Variants in STAM2 observed in about 807,000 individuals in gnomAD.
STAM2 encodes the protein signal transducing adapter molecule 2.
STAM2 carries 51 observed loss-of-function variants against 65.6 expected under a neutral mutation model. The ratio of observed to expected loss-of-function variants is 0.78; its 90% CI spans 0.62 to 0.98. The LOEUF (loss-of-function observed/expected upper bound fraction) is 0.98. Ranked by LOEUF, STAM2 falls within the 50% of genes least tolerant of loss-of-function variation. The probability of loss-of-function intolerance (pLI) is 0.00; values close to 1 mark genes in which losing one functional copy is unlikely to be tolerated. For synonymous variants in STAM2, 198 were observed against 208.4 expected (o/e 0.95, Z 0.43); for missense variants, 584 against 617.8 (o/e 0.95, Z 0.58).
At chr2:152,166,691 C>T (rs576743666) in intron 1 of STAM2, among the ~76,000 whole-genome samples, 31 of 152,050 alleles carry the variant, frequency 2.0e-4, no homozygotes, top group Non-Finnish European at 4.4e-4. Context: ...AAAGTTCTTC[C>T]CCTTCAACCC....
chr2:152,125,175 C>T (rs945556899), intron 12 of STAM2, among the ~76,000 whole-genome samples: 2 of 152,192 alleles, frequency 1.3e-5, no homozygotes, highest in Admixed American at 6.5e-5. Flanking sequence ...ACTTTCACAG[C>T]AGCAGCGAAC....
Position 152,130,363 on chromosome 2 carries a change from T to G in STAM2, c.1025+1751A>C, listed in dbSNP as rs532923859. ...GCCTCCTGGGTTAACGCCATTCTCC[T>G]GCCTCAGCCTCCCGAGTAGCTGGGA... On this transcript the variant is annotated intron_variant, in intron 11 of 13. Coordinates refer to ENST00000263904, the MANE Select transcript of STAM2 (RefSeq NM_005843.6). Among the ~76,000 whole-genome samples the G allele has an allele frequency of 8.0e-4, 121 of 152,108 alleles. 1 individual carries two copies. Among genetic ancestry groups the G allele is most frequent in the Admixed American group, 1.2e-3 (19 of 15,294 alleles).
At chr2:152,126,081 G>T in intron 12 of STAM2, 145 bp downstream of exon 12, 1 of 656,838 alleles carries the variant, frequency 1.5e-6, no homozygotes, top group Non-Finnish European at 2.3e-6. Flanking sequence ...TAATTGTTTA[G>T]CCAATATTTA....
rs565803983 is a variant in STAM2 at position 152,161,031 on chromosome 2, C to T, written c.41-10802G>A. Among the ~76,000 whole-genome samples the T allele has an allele frequency of 3.9e-3, 591 of 152,190 alleles. 4 individuals carry two copies. Among genetic ancestry groups the T allele is most frequent in the South Asian group, 0.014 (69 of 4,818 alleles). On this transcript the variant is annotated intron_variant, in intron 1 of 13. Coordinates refer to ENST00000263904, the MANE Select transcript of STAM2 (RefSeq NM_005843.6). ...GCTCATTGAGAGTGGGCCATGATGA[C>T]GGTGGCGGTTTTGTGGAATAGAAGG...
Position 152,148,272 on chromosome 2 carries a change from T to C in STAM2, c.154A>G (p.Lys52Glu). 3 of 1,611,668 alleles carry C rather than the reference T, an allele frequency of 1.9e-6. No homozygotes were observed. The highest frequency in any genetic ancestry group is 2.7e-5 in the African/African-American group (2 of 74,900). Residue 52 changes from lysine to glutamate, a missense_variant, in exon 3 of 14, where the codon AAA becomes GAA. Coordinates refer to ENST00000263904, the MANE Select transcript of STAM2 (RefSeq NM_005843.6). ...GAKDCLKAIM[K>E]RVNHKVPHVA... ...TGTGGAACCTTATGATTTACCCTTT[T>C]CATTATGGCTTTTAGGCAATCTTTC...
intron 1 of STAM2, among the ~76,000 whole-genome samples, chr2:152,157,597 C>A (rs1672601281): frequency 6.6e-6 from 1 of 152,170 alleles, no homozygotes; most frequent in Admixed American, 6.5e-5. Flanking sequence ...CCTCTGCTGG[C>A]ACTTTGATCT....
At chr2:152,167,539 T>C (rs1268520917) in intron 1 of STAM2, among the ~76,000 whole-genome samples, 1 of 152,198 alleles carries the variant, frequency 6.6e-6, no homozygotes, top group Non-Finnish European at 1.5e-5. Flanking sequence ...TGGACAAATA[T>C]TGCCAATTAG....
rs775203453 is a variant in STAM2, at chr2:152,120,740, G to C, written c.1412C>G (p.Ala471Gly). 5 of 1,614,022 alleles carry C rather than the reference G, an allele frequency of 3.1e-6. No individual in the cohort carries two copies. The highest frequency in any genetic ancestry group is 1.3e-5 in the African/African-American group (1 of 74,886). Residue 471 changes from alanine to glycine, a missense_variant, in exon 14 of 14, where the codon GCT becomes GGT. By Grantham distance (60) the Ala-to-Gly change is moderately conservative (BLOSUM62 0). Coordinates refer to ENST00000263904, the MANE Select transcript of STAM2 (RefSeq NM_005843.6). ...CTGTGTGTAAGCAGTTGTACCAGTAGCTGACTGTAGGTTAGAGTTCTGGTT... is the reference window on the plus strand; with the variant it reads ...CTGTGTGTAAGCAGTTGTACCAGTACCTGACTGTAGGTTAGAGTTCTGGTT... ...YMNQNSNLQSATGTTAYTQQM... is the reference protein window; with the variant it reads ...YMNQNSNLQSGTGTTAYTQQM...
Position 152,167,888 on chromosome 2 carries a change from C to T in STAM2, c.40+7715G>A, listed in dbSNP as rs369843841. ...TTGTACCACTGCACTTCAGCCTGGGCGACTGAGTGAGGCTGTGTCTCAAAA... is the reference window on the plus strand; with the variant it reads ...TTGTACCACTGCACTTCAGCCTGGGTGACTGAGTGAGGCTGTGTCTCAAAA... On this transcript the variant is annotated intron_variant, in intron 1 of 13. Transcript: ENST00000263904. Among the ~76,000 whole-genome samples the T allele has an allele frequency of 4.0e-5, 6 of 151,388 alleles. No homozygotes were observed. The South Asian group carries it at 6.3e-4, about 16-fold the overall frequency.
intron 1 of STAM2, among the ~76,000 whole-genome samples, chr2:152,173,156 C>T (rs562309792): frequency 6.7e-6 from 1 of 148,830 alleles, no homozygotes; most frequent in Non-Finnish European, 1.5e-5. Context: ...ATGCTTGACA[C>T]ACAGTAATTA....
intron 1 of STAM2, among the ~76,000 whole-genome samples, chr2:152,163,913 T>C (rs1560223625): frequency 6.6e-6 from 1 of 152,150 alleles, no homozygotes; most frequent in Admixed American, 6.5e-5. Flanking sequence ...AACTCTGTTT[T>C]CTGTTAAGAT....
rs192786309 is a variant in STAM2, at chr2:152,146,413, A to G, written c.447+749T>C. 5.3e-5 allele frequency among the ~76,000 whole-genome samples: 8 copies of G among 152,244 alleles called. No homozygotes were observed. The East Asian group carries it at 9.6e-4, about 18-fold the overall frequency. On this transcript the variant is annotated intron_variant, in intron 5 of 13. Transcript: ENST00000263904. ...AATAAGGTACTGAGAGCAAAACCCA[A>G]GGAATAGTATTTTTCTCCCCTAGAC...
rs1339227967 is a variant in STAM2, at chr2:152,136,868, G to A, written c.705-1265C>T. Among the ~76,000 whole-genome samples, 3 of 151,456 alleles carry A rather than the reference G, an allele frequency of 2.0e-5. No individual in the cohort carries two copies. The East Asian group carries it at 5.8e-4, about 29-fold the overall frequency. On this transcript the variant is annotated intron_variant, in intron 7 of 13. Transcript: ENST00000263904. ...CTTATTCACAGACGTGAACTTGCTGGGATTTAAGAATATAAACATTTTTCT... is the reference window on the plus strand; with the variant it reads ...CTTATTCACAGACGTGAACTTGCTGAGATTTAAGAATATAAACATTTTTCT...
rs1049547725 is a variant in STAM2 at position 152,118,616 on chromosome 2, G to A, written c.*1958C>T. The A allele has an allele frequency of 2.0e-5, 3 of 151,512 alleles. No homozygotes were observed. Among genetic ancestry groups the A allele is most frequent in the African/African-American group, 4.8e-5 (2 of 41,298 alleles). 9.4% of individuals were successfully genotyped at this position (151,512 alleles called of 1,614,324 possible). ...ATGAAATACACAAACATTAAAATAA[G>A]TTTATTAAATAGAGTTTGGGAGAAA... On this transcript the variant is annotated 3_prime_UTR_variant, in exon 14 of 14. Transcript: ENST00000263904.
rs1688797868 is a variant in STAM2 at position 152,118,719 on chromosome 2, A to G, written c.*1855T>C. On this transcript the variant is annotated 3_prime_UTR_variant, in exon 14 of 14. Coordinates refer to ENST00000263904, the MANE Select transcript of STAM2 (RefSeq NM_005843.6). ...TTTGGATTTTTTTTAAATGTTTTTT[A>G]AAAATTATTATTTTGTAAATAACAG... 2 of 151,934 alleles carry G rather than the reference A, an allele frequency of 1.3e-5. No homozygotes were observed. The highest frequency in any genetic ancestry group is 4.8e-5 in the African/African-American group (2 of 41,418). The allele number at this position is 151,934 out of a possible 1,614,324, so 9.4% of individuals were successfully genotyped here.
intron 1 of STAM2, among the ~76,000 whole-genome samples, chr2:152,155,121 G>A (rs558448121): frequency 4.6e-5 from 7 of 152,114 alleles, no homozygotes; most frequent in East Asian, 1.9e-4. Context: ...ATCATGGCAC[G>A]AATTTTTGTT....
At chr2:152,168,055 T>A (rs1381367640) in intron 1 of STAM2, among the ~76,000 whole-genome samples, 14 of 152,214 alleles carry the variant, frequency 9.2e-5, no homozygotes, top group Non-Finnish European at 5.9e-5. Flanking sequence ...AAAGAAATGA[T>A]ATATCCTTAA....
intron 6 of STAM2, 76 bp from the exon 7 acceptor site, chr2:152,144,089 TTAA>T: frequency 7.4e-7 from 1 of 1,344,350 alleles, no homozygotes; most frequent in Non-Finnish European, 1.0e-6. Flanking sequence ...AATGTAAAAT[TTAA>T]TAAGAATAAA....
intron 1 of STAM2, among the ~76,000 whole-genome samples, chr2:152,171,431 CAA>C (rs1196213355): frequency 1.1e-3 from 152 of 143,928 alleles, no homozygotes; most frequent in Admixed American, 2.0e-3. Flanking sequence ...TTTACTTTTA[CAA>C]AGATTTTAAC....
Sources: allele counts gnomAD v4.1 joint callset (sites outside exome capture counted in the v4.1 genomes callset), GRCh38; gene constraint gnomAD v4.1.1; transcripts MANE v1.5; gene names NCBI Gene and HGNC (gene_info 2026-07-23, HGNC 2026-07-21).